Variants in PIK3C2B observed in about 807,000 individuals in gnomAD.
PIK3C2B encodes the protein phosphatidylinositol-4-phosphate 3-kinase catalytic subunit type 2 beta, also known as phosphatidylinositol 4-phosphate 3-kinase C2 domain-containing subunit beta.
In PIK3C2B, 83 loss-of-function variants were observed where a neutral mutation model predicts 184.3. The observed-to-expected ratio is 0.45, with a 90% CI of 0.38 to 0.54. The LOEUF (loss-of-function observed/expected upper bound fraction) is 0.54, where lower values mean the gene tolerates loss of function less well. Among genes scored for constraint, PIK3C2B ranks in the 20% least tolerant of loss-of-function variants. PIK3C2B has a pLI of 0.00. For synonymous variants in PIK3C2B, 779 were observed against 837.6 expected, an observed-to-expected ratio of 0.93 and a Z score of 1.21; for missense variants, 1,736 against 2,113.5, an observed-to-expected ratio of 0.82 and a Z score of 3.50.
At position 204,469,623 on chromosome 1, in the gene PIK3C2B, C is replaced by A. The variant is rs760293325; in HGVS notation, c.180G>T (p.Trp60Cys). Residue 60 changes from tryptophan to cysteine, a missense_variant, in exon 2 of 33, where the codon TGG becomes TGT. Physicochemically the swap from Trp to Cys is radical, Grantham distance 215 (BLOSUM62 -2). This residue lies in a region of PIK3C2B where 404 missense variants were observed against 418.0 expected (regional missense o/e 0.97). Transcript: ENST00000684373. ...KQNADPSLIS[W>C]DEPGVDFYSK... Reference sequence around the variant, plus strand: ...TGTAAAAGTCTACCCCAGGCTCATCCCAGCTGATGAGAGAGGGGTCTGCGT... The same window carrying A: ...TGTAAAAGTCTACCCCAGGCTCATCACAGCTGATGAGAGAGGGGTCTGCGT... 6 of 1,610,726 alleles carry A rather than the reference C, an allele frequency of 3.7e-6. No homozygotes were observed. Among genetic ancestry groups the A allele is most frequent in the Non-Finnish European group, 5.1e-6 (6 of 1,178,076 alleles).
chr1:204,440,560 G>A (rs1013397872), intron 21 of PIK3C2B, among the ~76,000 whole-genome samples: 4 of 150,340 alleles, frequency 2.7e-5, no homozygotes, highest in Admixed American at 1.3e-4. Context: ...TTAAATTCAC[G>A]GTCTGCTTCT....
chr1:204,464,651 A>G (rs375198946), intron 3 of PIK3C2B, 47 bp from the exon 4 acceptor site: 2 of 1,571,158 alleles, frequency 1.3e-6, no homozygotes, highest in African/African-American at 1.4e-5. Flanking sequence ...AGAAGAGAGT[A>G]GTCAAGAAGA....
chr1:204,448,469 G>A (rs1654062417), intron 14 of PIK3C2B, among the ~76,000 whole-genome samples: 1 of 152,028 alleles, frequency 6.6e-6, no homozygotes, highest in African/African-American at 2.4e-5. Flanking sequence ...GCATAAAGCA[G>A]CAAATAAGAC....
chr1:204,448,633 CA>C (rs11455070), intron 14 of PIK3C2B, among the ~76,000 whole-genome samples: 26,566 of 122,006 alleles, frequency 0.22, 2,678 homozygotes, highest in East Asian at 0.54. Context: ...GATCCTGTCT[CA>C]AAAAAAAAAA....
rs148227604 is a variant in PIK3C2B at position 204,424,954 on chromosome 1, G to T, written c.4803C>A (p.Asn1601Lys). ...SVLSEQGFWE[N>K]VLLGEVNIRL... is the part of the protein sequence containing the mutation. Reference sequence around the variant, plus strand: ...GGATGTTCACCTCACCGAGGAGGACGTTCTCCCAGAATCCCTGCTCACTCA... The same window carrying T: ...GGATGTTCACCTCACCGAGGAGGACTTTCTCCCAGAATCCCTGCTCACTCA... Residue 1601 changes from asparagine to lysine, a missense_variant, in exon 33 of 33, where the codon AAC (asparagine) becomes AAA (lysine). Physicochemically the swap from Asn to Lys is moderately conservative, Grantham distance 94. Coordinates refer to ENST00000684373, the MANE Select transcript of PIK3C2B (RefSeq NM_001377334.1). The T allele has an allele frequency of 6.2e-7, 1 of 1,614,124 alleles. No homozygotes were observed. Among genetic ancestry groups the T allele is most frequent in the African/African-American group, 1.3e-5 (1 of 75,064 alleles).
rs745922253 is a variant in PIK3C2B at position 204,460,309 on chromosome 1, G to A, written c.1502+15C>T. 3.8e-6 allele frequency: 6 copies of A among 1,597,028 alleles called. No individual in the cohort carries two copies. In the African/African-American group the frequency reaches 4.0e-5, roughly 11 times the overall value. On this transcript the variant is annotated intron_variant, in intron 7 of 32. Transcript: ENST00000684373. ...TTCTTGTTTGGAGCACATCCAAGAT[G>A]GTGCCCACACTCACCTGCTGATGGT...
intron 10 of PIK3C2B, 86 bp downstream of exon 10, chr1:204,456,951 A>G: frequency 1.8e-6 from 2 of 1,108,644 alleles, no homozygotes; most frequent in Non-Finnish European, 2.6e-6. Context: ...ACATAAATCA[A>G]GGGGCCCAGG....
intron 1 of PIK3C2B, among the ~76,000 whole-genome samples, chr1:204,477,827 A>AT (rs1656834468): frequency 6.6e-6 from 1 of 152,234 alleles, no homozygotes. Context: ...AGGCACATAC[A>AT]TATCTAAAGA....
At chr1:204,478,623 A>T (rs567415613) in intron 1 of PIK3C2B, among the ~76,000 whole-genome samples, 29 of 152,212 alleles carry the variant, frequency 1.9e-4, no homozygotes, top group Non-Finnish European at 3.2e-4. Context: ...TGAGAAGACA[A>T]AATAACAGCT....
At chr1:204,478,434 C>A (rs1042174745) in intron 1 of PIK3C2B, among the ~76,000 whole-genome samples, 9 of 152,204 alleles carry the variant, frequency 5.9e-5, no homozygotes, top group Non-Finnish European at 1.0e-4. Context: ...CAAGCCGGCT[C>A]CCCCAGCCTC....
rs571813527 is a variant in PIK3C2B, at chr1:204,482,077, AT to A, written c.-84-12192del. Among the ~76,000 whole-genome samples, 16 of 139,812 alleles carry A rather than the reference AT, an allele frequency of 1.1e-4. 1 individual carries two copies. In the South Asian group the frequency reaches 3.5e-3, roughly 31 times the overall value. 91.7% of individuals were successfully genotyped at this position (139,812 alleles called of 152,430 possible). On this transcript the variant is annotated intron_variant, in intron 1 of 32. Coordinates refer to ENST00000684373, the MANE Select transcript of PIK3C2B (RefSeq NM_001377334.1). Reference sequence around the variant, plus strand: ...AGGCCCTGGAAATGGTAAGACTTCTATTTTCCCAGGGAGGAATGAGCCATGA... The same window carrying A: ...AGGCCCTGGAAATGGTAAGACTTCTATTTCCCAGGGAGGAATGAGCCATGA...
Position 204,456,234 on chromosome 1 carries a change from T to C in PIK3C2B, c.1748-183A>G, listed in dbSNP as rs1654836495. 6 of 476,638 alleles carry C rather than the reference T, an allele frequency of 1.3e-5. No individual in the cohort carries two copies. In the South Asian group the frequency reaches 2.3e-4, roughly 19 times the overall value. 29.5% of individuals were successfully genotyped at this position (476,638 alleles called of 1,614,324 possible). On this transcript the variant is annotated intron_variant, in intron 10 of 32. Transcript: ENST00000684373. The stretch of plus-strand genomic sequence containing the variant: ...ATGAGAAAAAAGCAGAAGCATGTCA[T>C]GAGCTTTTCATAAAATGACAGTTAT...
chr1:204,485,870 T>C (rs530186684), intron 1 of PIK3C2B, among the ~76,000 whole-genome samples: 16 of 152,190 alleles, frequency 1.1e-4, no homozygotes, highest in African/African-American at 3.6e-4. Flanking sequence ...TGCACCCTTT[T>C]ATTCATGGGG....
Position 204,433,174 on chromosome 1 carries a change from G to C in PIK3C2B, c.3953+142C>G. ...TTACCTAAATCACGGGCAAAGTTGG[G>C]ACAATGTATCCACGTGGTCAGCTCT... is the stretch of plus-strand genomic sequence containing the variant. On this transcript the variant is annotated intron_variant, in intron 26 of 32. Transcript: ENST00000684373. The surrounding 1 kb of genome is among the most constrained non-coding windows in gnomAD (Gnocchi z 5.0). 1 of 558,552 alleles carries C rather than the reference G, an allele frequency of 1.8e-6. No individual in the cohort carries two copies. Among genetic ancestry groups the C allele is most frequent in the Non-Finnish European group, 3.2e-6 (1 of 311,676 alleles). 34.6% of individuals were successfully genotyped at this position (558,552 alleles called of 1,614,324 possible).
At chr1:204,437,175 C>A (rs911212011) in intron 23 of PIK3C2B, among the ~76,000 whole-genome samples, 1 of 151,586 alleles carries the variant, frequency 6.6e-6, no homozygotes, top group Non-Finnish European at 1.5e-5. Context: ...TACACAGAGG[C>A]TTTGAAGAAC....
At chr1:204,444,007 G>A in intron 18 of PIK3C2B, 61 bp downstream of exon 18, 2 of 1,180,150 alleles carry the variant, frequency 1.7e-6, no homozygotes, top group Non-Finnish European at 2.5e-6. Context: ...GTGCCTAAGA[G>A]TGAAATACTC....
intron 10 of PIK3C2B, 116 bp from the exon 11 acceptor site, chr1:204,456,167 A>T (rs1654831414): frequency 2.9e-6 from 2 of 695,058 alleles, no homozygotes; most frequent in Non-Finnish European, 4.6e-6. Context: ...AATGCTAGTC[A>T]GTCTCTAATA....
rs11806160 is a variant in PIK3C2B, at chr1:204,442,398, C to T, written c.3156+128G>A. The T allele has an allele frequency of 8.5e-4, 541 of 637,120 alleles. 1 individual carries two copies. The highest frequency in any genetic ancestry group is 6.5e-3 in the African/African-American group (357 of 55,278). 39.5% of individuals were successfully genotyped at this position (637,120 alleles called of 1,614,324 possible). ...AGGAAAAGATGCTAGGCCAAGACCACATGGTAAGTTAGCAACATACTGACG... is the reference window on the plus strand; with the variant it reads ...AGGAAAAGATGCTAGGCCAAGACCATATGGTAAGTTAGCAACATACTGACG... On this transcript the variant is annotated intron_variant, in intron 20 of 32. Coordinates refer to ENST00000684373, the MANE Select transcript of PIK3C2B (RefSeq NM_001377334.1).
At position 204,429,991 on chromosome 1, in the gene PIK3C2B, GCCA is replaced by G; in HGVS notation, c.4325_4327del (p.Val1442del). On this transcript the variant is annotated inframe_deletion, in exon 29 of 33. Transcript: ENST00000684373. ...GTTTAGCTCCTCCCTCCGCCGCTCG[GCCA>G]CCGCCTCTCCCCGGGAGCGGCCGAT... 1 of 1,611,766 alleles carries G rather than the reference GCCA, an allele frequency of 6.2e-7. No individual in the cohort carries two copies. Among genetic ancestry groups the G allele is most frequent in the Non-Finnish European group, 8.5e-7 (1 of 1,179,912 alleles).
Sources: allele counts gnomAD v4.1 joint callset (sites outside exome capture counted in the v4.1 genomes callset), GRCh38; gene constraint gnomAD v4.1.1; regional missense constraint gnomAD v4.1.1; non-coding constraint Gnocchi (gnomAD v3.1); transcripts MANE v1.5; gene names NCBI Gene and HGNC (gene_info 2026-07-23, HGNC 2026-07-21).